Variants in ALKBH8 observed in about 807,000 individuals in gnomAD.
ALKBH8 encodes tRNA (carboxymethyluridine(34)-5-O)-methyltransferase ALKBH8.
A neutral mutation model predicts 59.8 loss-of-function variants in ALKBH8; 36 were observed. The observed-to-expected ratio is 0.60, with a 90% CI of 0.46 to 0.79. ALKBH8 has a LOEUF of 0.79. ALKBH8 is among the 30% of genes least tolerant of loss of function. The pLI is 0.00. For missense variants in ALKBH8, 768 were observed against 801.0 expected, an observed-to-expected ratio of 0.96 and a Z score of 0.50; for synonymous variants, 276 against 273.6, an observed-to-expected ratio of 1.01 and a Z score of -0.09.
intron 11 of ALKBH8, among the ~76,000 whole-genome samples, chr11:107,506,486 G>A (rs1009147164): frequency 2.0e-5 from 3 of 151,644 alleles, no homozygotes; most frequent in African/African-American, 7.3e-5. Flanking sequence ...CAAAAAACCA[G>A]AGGAAAAGAT....
At chr11:107,557,060 C>A in intron 2 of ALKBH8, 57 bp from the exon 3 acceptor site, 1 of 1,183,894 alleles carries the variant, frequency 8.4e-7, no homozygotes, top group Non-Finnish European at 1.1e-6. Flanking sequence ...GATACCAACC[C>A]ATTTGTTTTA....
intron 6 of ALKBH8, among the ~76,000 whole-genome samples, chr11:107,550,831 T>A (rs1864459812): frequency 1.3e-5 from 2 of 152,102 alleles, no homozygotes; most frequent in African/African-American, 4.8e-5. Flanking sequence ...AAAGGACATG[T>A]GAGGACATTG....
At chr11:107,532,710 G>A (rs1025743593) in intron 7 of ALKBH8, among the ~76,000 whole-genome samples, 6 of 152,070 alleles carry the variant, frequency 3.9e-5, no homozygotes, top group South Asian at 2.1e-4. Flanking sequence ...GGATCACACC[G>A]TAGAAAACAG....
intron 10 of ALKBH8, among the ~76,000 whole-genome samples, chr11:107,513,339 A>G (rs1862720356): frequency 6.6e-6 from 1 of 152,226 alleles, no homozygotes; most frequent in South Asian, 2.1e-4. Context: ...AATCAAAACC[A>G]CAATGAGATA....
chr11:107,565,492 T>C (rs368827931), intron 1 of ALKBH8, 109 bp downstream of exon 1: 2 of 1,487,844 alleles, frequency 1.3e-6, no homozygotes, highest in South Asian at 1.2e-5. Context: ...CCCCTTTCCC[T>C]AGGTTCTCAG....
chr11:107,508,412 A>T (rs35177787), intron 11 of ALKBH8, among the ~76,000 whole-genome samples: 3 of 152,138 alleles, frequency 2.0e-5, no homozygotes, highest in African/African-American at 7.2e-5. Context: ...ACCTCAAGTG[A>T]TCCACTCGCT....
At chr11:107,561,495 T>C (rs1286566996) in intron 1 of ALKBH8, among the ~76,000 whole-genome samples, 1 of 152,076 alleles carries the variant, frequency 6.6e-6, no homozygotes, top group East Asian at 1.9e-4. Flanking sequence ...TCAAAGGGTG[T>C]TTCTTCAGTT....
intron 10 of ALKBH8, among the ~76,000 whole-genome samples, chr11:107,521,636 C>T (rs1477767929): frequency 2.0e-5 from 3 of 151,960 alleles, no homozygotes; most frequent in Admixed American, 2.0e-4. Flanking sequence ...CAAGAATATC[C>T]TACTTCTTAG....
chr11:107,532,220 G>C lies in ALKBH8; in HGVS notation c.878+80C>G, dbSNP rs1863623658. 3 of 1,172,176 alleles carry C rather than the reference G, an allele frequency of 2.6e-6. No homozygotes were observed. In the South Asian group the frequency reaches 4.4e-5, roughly 17 times the overall value. The allele number at this position is 1,172,176 out of a possible 1,614,324, so 72.6% of individuals were successfully genotyped here. A position where few individuals can be genotyped will look rare whatever the true frequency, so the allele number is the denominator to read the frequency against. Reference sequence around the variant, plus strand: ...CAGAAGCCTCAATCTGCAGGCACAGGGCATGGTCCCCGTGGCTCAAACACA... The same window carrying C: ...CAGAAGCCTCAATCTGCAGGCACAGCGCATGGTCCCCGTGGCTCAAACACA... On this transcript the variant is annotated intron_variant, in intron 8 of 11. Transcript: ENST00000428149.
intron 10 of ALKBH8, among the ~76,000 whole-genome samples, chr11:107,514,472 G>A (rs1007668346): frequency 4.6e-5 from 7 of 152,070 alleles, no homozygotes; most frequent in African/African-American, 1.7e-4. Context: ...CAAGCTAGAG[G>A]TAAAGTACAG....
At chr11:107,507,506 A>T in intron 11 of ALKBH8, among the ~76,000 whole-genome samples, 1 of 152,306 alleles carries the variant, frequency 6.6e-6, no homozygotes, top group South Asian at 2.1e-4. Context: ...GGTTGAAAAA[A>T]AGATTATTAA....
chr11:107,545,174 G>C (rs965742220), intron 7 of ALKBH8, among the ~76,000 whole-genome samples: 6 of 152,174 alleles, frequency 3.9e-5, no homozygotes, highest in Non-Finnish European at 8.8e-5. Context: ...GGTTGGAGAT[G>C]AAGCCAGTAT....
intron 1 of ALKBH8, chr11:107,562,846 G>A (rs1465002588): frequency 6.6e-6 from 1 of 152,134 alleles, no homozygotes; most frequent in African/African-American, 2.4e-5. Context: ...GCGAAATAGG[G>A]GGAGAGGAGA....
chr11:107,533,289 A>G (rs559007323), intron 7 of ALKBH8, among the ~76,000 whole-genome samples: 1 of 152,298 alleles, frequency 6.6e-6, no homozygotes, highest in African/African-American at 2.4e-5. Flanking sequence ...TATGACAACC[A>G]ACTGTAAGTG....
chr11:107,561,821 A>C (rs925224501), intron 1 of ALKBH8, among the ~76,000 whole-genome samples: 2 of 152,250 alleles, frequency 1.3e-5, no homozygotes, highest in African/African-American at 4.8e-5. Context: ...TGAATAATAA[A>C]TGAGTGAATA....
At chr11:107,556,487 G>A (rs1864717259) in intron 3 of ALKBH8, among the ~76,000 whole-genome samples, 1 of 152,062 alleles carries the variant, frequency 6.6e-6, no homozygotes, top group Non-Finnish European at 1.5e-5. Context: ...ACACAATTAG[G>A]CAGGAGGGTT....
rs148504204 is a variant in ALKBH8 at position 107,513,629 on chromosome 11, T to C, written c.1288-2593A>G. ...AGCATTATTCACAATAGTAATGACATGGAATCAACCTAGGTGCCCATCAAG... is the reference window on the plus strand; with the variant it reads ...AGCATTATTCACAATAGTAATGACACGGAATCAACCTAGGTGCCCATCAAG... On this transcript the variant is annotated intron_variant, in intron 10 of 11. Coordinates refer to ENST00000428149, the MANE Select transcript of ALKBH8 (RefSeq NM_138775.3). 8.5e-3 allele frequency among the ~76,000 whole-genome samples: 1,296 copies of C among 152,270 alleles called. 22 individuals carry two copies. Among genetic ancestry groups the C allele is most frequent in the African/African-American group, 0.03 (1,227 of 41,546 alleles).
rs1456556535 is a variant in ALKBH8 at position 107,504,935 on chromosome 11, A to G, written c.1718T>C (p.Val573Ala). ...SQEGGCNSRQ[V>A]SNSKLPVHVN... ...ATGAACAGGCAGCTTGGAATTAGAA[A>G]CTTGCCTTGAATTACATCCTCCTTC... Residue 573 changes from valine (V) to alanine (A), a missense_variant, in exon 12 of 12, where the codon GTT becomes GCT. By Grantham distance (64) the Val-to-Ala change is moderately conservative. Transcript: ENST00000428149. 7 of 1,551,812 alleles carry G rather than the reference A, an allele frequency of 4.5e-6. No homozygotes were observed. Among genetic ancestry groups the G allele is most frequent in the Non-Finnish European group, 6.1e-6 (7 of 1,147,000 alleles).
chr11:107,551,714 T>TA (rs1565344872), intron 6 of ALKBH8, 94 bp downstream of exon 6: 2 of 335,790 alleles, frequency 6.0e-6, no homozygotes, highest in African/African-American at 2.4e-5. Flanking sequence ...AAAATAATAA[T>TA]AATAATAATA....
Sources: gnomAD v4.1 joint callset for allele counts (sites outside exome capture counted in the v4.1 genomes callset) on GRCh38, gnomAD v4.1.1 for gene constraint, MANE v1.5 for transcripts, NCBI Gene and HGNC (gene_info 2026-07-23, HGNC 2026-07-21) for gene names.